PAG1: variants seen among roughly 807,000 people sequenced by gnomAD.
The protein encoded by PAG1 is phosphoprotein membrane anchor with glycosphingolipid microdomains 1.
A neutral mutation model predicts 31.7 loss-of-function variants in PAG1; 23 were observed. The observed-to-expected ratio is 0.73, with a 90% confidence interval of 0.52 to 1.03. The LOEUF is 1.03. Among genes scored for constraint, PAG1 ranks in the 50% least tolerant of loss-of-function variants. PAG1 has a pLI of 0.00. For synonymous variants in PAG1, 214 were observed against 210.3 expected, an observed-to-expected ratio of 1.02 and a Z score of -0.15; for missense variants, 473 against 540.7, an observed-to-expected ratio of 0.87 and a Z score of 1.24.
intron 3 of PAG1, among the ~76,000 whole-genome samples, chr8:81,027,978 A>C (rs549588836): frequency 4.2e-4 from 64 of 152,120 alleles, no homozygotes; most frequent in African/African-American, 1.4e-3. Context: ...TTAAGCCTAA[A>C]GACGAGGGTC....
At chr8:81,025,575 G>T (rs1055377105) in intron 3 of PAG1, among the ~76,000 whole-genome samples, 4 of 152,110 alleles carry the variant, frequency 2.6e-5, no homozygotes, top group African/African-American at 4.8e-5. Context: ...CTACACCACC[G>T]TGCCCAGGGC....
intron 2 of PAG1, among the ~76,000 whole-genome samples, chr8:81,045,800 T>C (rs1213689320): frequency 6.6e-6 from 1 of 152,074 alleles, no homozygotes; most frequent in East Asian, 1.9e-4. Context: ...TAAGCAAACA[T>C]CCACACAGAC....
intron 6 of PAG1, among the ~76,000 whole-genome samples, chr8:80,987,053 CCTAT>C (rs988255467): frequency 6.6e-6 from 1 of 152,040 alleles, no homozygotes; most frequent in African/African-American, 2.4e-5. Context: ...AGTAATAATA[CCTAT>C]CTTACAGAGT....
chr8:81,016,271 G>T (rs958128379), intron 3 of PAG1, among the ~76,000 whole-genome samples: 1 of 152,134 alleles, frequency 6.6e-6, no homozygotes, highest in Non-Finnish European at 1.5e-5. Context: ...TGCTATAGGA[G>T]GTATTATTGT....
chr8:81,100,945 C>T (rs539897416), intron 1 of PAG1, among the ~76,000 whole-genome samples: 17 of 152,272 alleles, frequency 1.1e-4, no homozygotes, highest in South Asian at 2.1e-4. Flanking sequence ...TTGTTGCCAG[C>T]GCTGCGCTGT....
chr8:81,099,687 T>C (rs1289227123), intron 1 of PAG1, among the ~76,000 whole-genome samples: 1 of 152,070 alleles, frequency 6.6e-6, no homozygotes, highest in East Asian at 1.9e-4. Flanking sequence ...AAGCAAGCAA[T>C]AGAAAGATTG....
chr8:81,111,188 C>G (rs1484494443), intron 1 of PAG1, among the ~76,000 whole-genome samples: 1 of 152,174 alleles, frequency 6.6e-6, no homozygotes, highest in African/African-American at 2.4e-5. Flanking sequence ...GCCTGCAGGC[C>G]TGAAAGAAAT....
In PAG1 at chr8:81,102,189, G is replaced by C. The variant is rs1020946921; in HGVS notation, c.-234+9402C>G. ...CAAATATAAAATACCATATTACTTT[G>C]TATTGTTATTTAAATTTTCACATGC... On this transcript the variant is annotated intron_variant, in intron 1 of 8. Coordinates refer to ENST00000220597, the MANE Select transcript of PAG1 (RefSeq NM_018440.4). 6.6e-5 allele frequency among the ~76,000 whole-genome samples: 10 copies of C among 152,092 alleles called. No individual in the cohort carries two copies. The South Asian group carries it at 1.9e-3, about 28-fold the overall frequency.
chr8:81,086,274 C>A (rs1809355289), intron 1 of PAG1, among the ~76,000 whole-genome samples: 1 of 152,180 alleles, frequency 6.6e-6, no homozygotes, highest in South Asian at 2.1e-4. Context: ...AGCCACCGCG[C>A]CCGGCCAATC....
intron 3 of PAG1, among the ~76,000 whole-genome samples, chr8:81,010,414 T>C: frequency 6.6e-6 from 1 of 152,256 alleles, no homozygotes. Flanking sequence ...CCTCAAAAGT[T>C]ATATGGCTAT....
chr8:81,086,510 C>CGTGT (rs1188144805), intron 1 of PAG1, among the ~76,000 whole-genome samples: 7 of 151,198 alleles, frequency 4.6e-5, no homozygotes, highest in African/African-American at 1.5e-4. Flanking sequence ...TGTGTGCGCG[C>CGTGT]GCGTGTGTGT....
intron 3 of PAG1, among the ~76,000 whole-genome samples, chr8:81,002,152 T>G (rs900417615): frequency 3.3e-5 from 5 of 152,118 alleles, no homozygotes; most frequent in African/African-American, 1.2e-4. Flanking sequence ...GCAGTCACGC[T>G]CTGTTAAGCA....
At chr8:81,079,059 C>T (rs1340832129) in intron 1 of PAG1, among the ~76,000 whole-genome samples, 2 of 152,142 alleles carry the variant, frequency 1.3e-5, no homozygotes, top group Non-Finnish European at 2.9e-5. Context: ...TGCCAGGACT[C>T]AACCTTTGCA....
intron 6 of PAG1, 45 bp downstream of exon 6, chr8:80,987,325 G>T: frequency 8.5e-7 from 1 of 1,176,852 alleles, no homozygotes; most frequent in Non-Finnish European, 1.3e-6. Flanking sequence ...GACTTCCAGA[G>T]GTGATGAGGC....
chr8:81,001,349 A>G (rs925518501), intron 3 of PAG1, among the ~76,000 whole-genome samples: 2 of 152,270 alleles, frequency 1.3e-5, no homozygotes, highest in African/African-American at 4.8e-5. Context: ...GAAGAAAAGG[A>G]GGCAAGAGGA....
intron 2 of PAG1, among the ~76,000 whole-genome samples, chr8:81,058,026 A>G (rs1808856250): frequency 6.6e-6 from 1 of 152,118 alleles, no homozygotes; most frequent in Non-Finnish European, 1.5e-5. Context: ...GGTATCAAAA[A>G]CTTGCCAAGA....
intron 2 of PAG1, among the ~76,000 whole-genome samples, chr8:81,066,167 C>T (rs1809003339): frequency 6.6e-6 from 1 of 152,204 alleles, no homozygotes; most frequent in Admixed American, 6.5e-5. Context: ...TGATTCTATC[C>T]AGCCTGCTGT....
At chr8:81,061,659 A>G (rs1350280590) in intron 2 of PAG1, among the ~76,000 whole-genome samples, 1 of 152,246 alleles carries the variant, frequency 6.6e-6, no homozygotes, top group African/African-American at 2.4e-5. Context: ...CCAGGCACTC[A>G]GGACACAGGG....
intron 1 of PAG1, among the ~76,000 whole-genome samples, chr8:81,078,603 C>T (rs946089758): frequency 3.6e-4 from 55 of 152,122 alleles, no homozygotes; most frequent in African/African-American, 1.3e-3. Context: ...CTTATTATTC[C>T]TTTATCCTTC....
Sources: allele counts gnomAD v4.1 joint callset (sites outside exome capture counted in the v4.1 genomes callset), GRCh38; gene constraint gnomAD v4.1.1; transcripts MANE v1.5; gene names NCBI Gene and HGNC (gene_info 2026-07-23, HGNC 2026-07-21).